The following ENO1 variants were observed in gnomAD, a reference collection of about 807,000 sequenced individuals.
ENO1 encodes enolase 1.
A neutral mutation model predicts 46.3 loss-of-function variants in ENO1; 33 were observed. The observed-to-expected ratio is 0.71, with a 90% CI of 0.54 to 0.95. The LOEUF is 0.95. Ranked by LOEUF, ENO1 falls within the 40% of genes least tolerant of loss-of-function variation. The pLI is 0.00. For missense variants in ENO1, 488 were observed against 553.3 expected, an observed-to-expected ratio of 0.88 and a Z score of 1.18; for synonymous variants, 220 against 216.0, an observed-to-expected ratio of 1.02 and a Z score of -0.16.
At chr1:8,867,676 C>T (rs1267102395) in intron 5 of ENO1, among the ~76,000 whole-genome samples, 2 of 151,984 alleles carry the variant, frequency 1.3e-5, no homozygotes, top group Admixed American at 1.3e-4. Flanking sequence ...ACTACAGGCG[C>T]CCACCACCAG....
At chr1:8,866,211 A>G in intron 7 of ENO1, 68 bp downstream of exon 7, 2 of 1,392,566 alleles carry the variant, frequency 1.4e-6, no homozygotes, top group South Asian at 2.4e-5. Context: ...GCAGGTGTGG[A>G]CGACCCCCCA....
At chr1:8,872,867 ATAAATG>A (rs1156895147) in intron 2 of ENO1, among the ~76,000 whole-genome samples, 5 of 152,238 alleles carry the variant, frequency 3.3e-5, no homozygotes, top group Non-Finnish European at 5.9e-5. Context: ...GCGCAGTTTA[ATAAATG>A]TAAGAACTGA....
chr1:8,861,273 G>C lies in ENO1; in HGVS notation c.*87C>G. Reference sequence around the variant, plus strand: ...ACTAGCAGGGACCCCTGCAAGTGTTGGTCGGGGGCCTCGAGCTGCCTGAGC... The same window carrying C: ...ACTAGCAGGGACCCCTGCAAGTGTTCGTCGGGGGCCTCGAGCTGCCTGAGC... On this transcript the variant is annotated 3_prime_UTR_variant, in exon 12 of 12. Transcript: ENST00000234590. 4 of 1,400,762 alleles carry C rather than the reference G, an allele frequency of 2.9e-6. No homozygotes were observed. In the South Asian group the frequency reaches 3.5e-5, roughly 12 times the overall value. The allele number at this position is 1,400,762 out of a possible 1,614,324, so 86.8% of individuals were successfully genotyped here.
intron 4 of ENO1, chr1:8,870,176 A>G: frequency 2.2e-6 from 1 of 453,630 alleles, no homozygotes; most frequent in Non-Finnish European, 4.0e-6. Context: ...TCTGGATCTT[A>G]ATTTCTTCAA....
At chr1:8,862,451 C>G (rs1477036570) in intron 11 of ENO1, among the ~76,000 whole-genome samples, 1 of 152,208 alleles carries the variant, frequency 6.6e-6, no homozygotes, top group Non-Finnish European at 1.5e-5. Context: ...GAGACCAGAA[C>G]AGCCCCACAG....
In ENO1 at chr1:8,873,776, T is replaced by C. The variant is rs867334344; in HGVS notation, c.85+1048A>G. 5.3e-4 allele frequency: 80 copies of C among 152,326 alleles called. 1 individual carries two copies. The highest frequency in any genetic ancestry group is 1.9e-3 in the African/African-American group (77 of 41,562). 9.4% of individuals were successfully genotyped at this position (152,326 alleles called of 1,614,324 possible). A position where few individuals can be genotyped will look rare whatever the true frequency, so the allele number is the denominator to read the frequency against. On this transcript the variant is annotated intron_variant, in intron 2 of 11. Transcript: ENST00000234590. ...CACTGCTAGGCCTGTGACTCACAGA[T>C]GGTGACTCAGCTCCGACTGGCAGTT...
intron 10 of ENO1, 26 bp from the exon 11 acceptor site, chr1:8,862,971 T>C (rs776965652): frequency 3.1e-6 from 5 of 1,613,126 alleles, no homozygotes; most frequent in Non-Finnish European, 4.2e-6. Flanking sequence ...GGCCATTTGC[T>C]TACAGCGGAC....
At chr1:8,870,565 C>G (rs1642609525) in intron 3 of ENO1, 55 bp from the exon 4 acceptor site, 20 of 1,611,508 alleles carry the variant, frequency 1.2e-5, no homozygotes, top group Non-Finnish European at 1.6e-5. Context: ...CAGGCTTGAG[C>G]AGCATTGTTA....
chr1:8,863,063 G>C, intron 10 of ENO1, 118 bp from the exon 11 acceptor site: 1 of 1,410,604 alleles, frequency 7.1e-7, no homozygotes, highest in East Asian at 2.4e-5. Flanking sequence ...AGGAAAGTGG[G>C]GGCCACAACA....
intron 2 of ENO1, among the ~76,000 whole-genome samples, chr1:8,873,388 T>C (rs1456343224): frequency 6.6e-6 from 1 of 152,250 alleles, no homozygotes; most frequent in Non-Finnish European, 1.5e-5. Context: ...CATCATTTCA[T>C]GTTTTTTGAA....
At chr1:8,867,731 C>T (rs1159019005) in intron 5 of ENO1, among the ~76,000 whole-genome samples, 2 of 152,030 alleles carry the variant, frequency 1.3e-5, no homozygotes, top group African/African-American at 4.8e-5. Flanking sequence ...GGGGTTTCAC[C>T]ACGTTGGCCA....
At chr1:8,875,027 G>C (rs993427502) in intron 1 of ENO1, 110 bp from the exon 2 acceptor site, 3 of 821,236 alleles carry the variant, frequency 3.7e-6, no homozygotes, top group Non-Finnish European at 5.8e-6. Flanking sequence ...ATCAGCACTG[G>C]ACTAAATACT....
chr1:8,867,246 C>A lies in ENO1; in HGVS notation c.315G>T (p.Lys105Asn). ...IEMDGTENKS[K>N]FGANAILGVS... is the part of the protein sequence containing the mutation. ...CCCCCAGAATGGCGTTCGCACCAAA[C>A]TTAGCTAGAACAGAAGAGAACCGAG... is the stretch of plus-strand genomic sequence containing the variant. The change falls in exon 6 of 12, where the codon AAG (lysine) becomes AAT (asparagine). Residue 105 changes from lysine (K) to asparagine (N), a missense_variant. By Grantham distance (94) the Lys-to-Asn change is moderately conservative. Coordinates refer to ENST00000234590, the MANE Select transcript of ENO1 (RefSeq NM_001428.5). 3.7e-6 allele frequency: 6 copies of A among 1,614,108 alleles called. No homozygotes were observed. Among genetic ancestry groups the A allele is most frequent in the Non-Finnish European group, 5.1e-6 (6 of 1,179,978 alleles).
chr1:8,865,453 T>C lies in ENO1; in HGVS notation c.697A>G (p.Lys233Glu). ...ACCACCTTATCAGTGTAGCCAGCTT[T>C]CCCAATAGCAGTCTTCAGCAGCTCC... is the stretch of plus-strand genomic sequence containing the variant. ...GLELLKTAIG[K>E]AGYTDKVVIG... Residue 233 changes from lysine (K) to glutamate (E), a missense_variant, in exon 8 of 12, where the codon AAA (lysine) becomes GAA (glutamate). By Grantham distance (56) the Lys-to-Glu change is moderately conservative. Coordinates refer to ENST00000234590, the MANE Select transcript of ENO1 (RefSeq NM_001428.5). 1 of 1,613,434 alleles carries C rather than the reference T, an allele frequency of 6.2e-7. No individual in the cohort carries two copies. Among genetic ancestry groups the C allele is most frequent in the African/African-American group, 1.3e-5 (1 of 74,988 alleles).
At chr1:8,871,253 T>C in intron 3 of ENO1, 5 of 1,012,210 alleles carry the variant, frequency 4.9e-6, no homozygotes, top group Non-Finnish European at 5.9e-6. Context: ...CTTTTTGGAG[T>C]TTTCCGGGTG....
intron 3 of ENO1, chr1:8,871,135 TAG>T (rs1642624230): frequency 3.5e-6 from 4 of 1,159,358 alleles, no homozygotes; most frequent in African/African-American, 3.2e-5. Context: ...TTCGTGTGTG[TAG>T]AGTGCTTCTT....
chr1:8,877,710 CAAAA>C (rs201203114), intron 1 of ENO1: 9 of 150,686 alleles, frequency 6.0e-5, no homozygotes, highest in South Asian at 2.1e-4. Flanking sequence ...ACAACAACAA[CAAAA>C]AAAAAACAAA....
intron 5 of ENO1, among the ~76,000 whole-genome samples, chr1:8,867,614 G>A (rs562876585): frequency 1.3e-4 from 19 of 151,532 alleles, no homozygotes; most frequent in African/African-American, 3.4e-4. Context: ...GCAGTGCAGC[G>A]GCAGGATCTT....
intron 11 of ENO1, among the ~76,000 whole-genome samples, chr1:8,862,506 TC>T (rs1220794667): frequency 3.3e-5 from 5 of 152,086 alleles, no homozygotes; most frequent in Admixed American, 2.6e-4. Flanking sequence ...GGCCTTTTCT[TC>T]CTCCCTCCCA....
Sources: gnomAD v4.1 joint callset for allele counts (sites outside exome capture counted in the v4.1 genomes callset) on GRCh38, gnomAD v4.1.1 for gene constraint, MANE v1.5 for transcripts, NCBI Gene and HGNC (gene_info 2026-07-23, HGNC 2026-07-21) for gene names.